GATAD1: variants seen among roughly 807,000 people sequenced by gnomAD.
The protein encoded by GATAD1 is GATA zinc finger domain containing 1.
In GATAD1, 12 loss-of-function variants were observed where a neutral mutation model predicts 26.5. The observed-to-expected ratio is 0.45, with a 90% CI of 0.29 to 0.73. The LOEUF (loss-of-function observed/expected upper bound fraction) is 0.73, where lower values mean the gene tolerates loss of function less well. Among genes scored for constraint, GATAD1 ranks in the 30% least tolerant of loss-of-function variants. The probability of loss-of-function intolerance (pLI) is 0.10; values close to 1 mark genes in which losing one functional copy is unlikely to be tolerated. For missense variants in GATAD1, 266 were observed against 342.1 expected, an observed-to-expected ratio of 0.78 and a Z score of 1.75; for synonymous variants, 129 against 133.1, an observed-to-expected ratio of 0.97 and a Z score of 0.21.
chr7:92,487,743 A>G, the GATAD1 span, among the ~76,000 whole-genome samples: 397 of 152,318 alleles, frequency 2.6e-3, 1 homozygote, highest in Non-Finnish European at 4.9e-3. Context: ...AAAGGGGATG[A>G]AGAGACAAGT....
the GATAD1 span, among the ~76,000 whole-genome samples, chr7:92,488,630 G>T: frequency 6.6e-6 from 1 of 151,816 alleles, no homozygotes; most frequent in Non-Finnish European, 1.5e-5. Context: ...AAATTATTTT[G>T]AAGGCAAAAC....
the GATAD1 span, chr7:92,489,298 A>G: frequency 1.7e-4 from 277 of 1,613,542 alleles, no homozygotes; most frequent in Non-Finnish European, 2.3e-4. Context: ...CTTACAGCTC[A>G]GCAAAATTCT....
In GATAD1 at chr7:92,459,675, A is replaced by G. The variant is rs777454244; in HGVS notation, c.*3113A>G. Reference sequence around the variant, plus strand: ...AGATTCCCATGCCTTTTTGGAATCAATCTCTATCCTATTGTCATCACATTT... The same window carrying G: ...AGATTCCCATGCCTTTTTGGAATCAGTCTCTATCCTATTGTCATCACATTT... On this transcript the variant is annotated 3_prime_UTR_variant, in exon 5 of 5. Transcript: ENST00000287957. Among the ~76,000 whole-genome samples the G allele has an allele frequency of 6.6e-5, 10 of 152,244 alleles. No individual in the cohort carries two copies. Among genetic ancestry groups the G allele is most frequent in the Non-Finnish European group, 1.3e-4 (9 of 68,036 alleles).
downstream of GATAD1, chr7:92,463,125 C>T (rs537679463): frequency 1.3e-5 from 2 of 152,198 alleles, no homozygotes; most frequent in South Asian, 2.1e-4. Flanking sequence ...TGGAAATAAG[C>T]CAAACTTAAA....
At chr7:92,475,066 T>C in the GATAD1 span, 1 of 152,126 alleles carries the variant, frequency 6.6e-6, no homozygotes, top group Non-Finnish European at 1.5e-5. Context: ...TTTTACATAA[T>C]TGTGAGTTGT....
At chr7:92,479,320 G>C in the GATAD1 span, among the ~76,000 whole-genome samples, 1 of 152,098 alleles carries the variant, frequency 6.6e-6, no homozygotes, top group Non-Finnish European at 1.5e-5. Flanking sequence ...ATGGGGTGGG[G>C]CCATTTTATA....
chr7:92,487,297 T>C, the GATAD1 span: 1 of 532,648 alleles, frequency 1.9e-6, no homozygotes, highest in East Asian at 3.0e-5. Flanking sequence ...ATCTCAATCC[T>C]GATCATTACA....
At chr7:92,455,994 G>A (rs1400005814) in intron 4 of GATAD1, among the ~76,000 whole-genome samples, 4 of 152,074 alleles carry the variant, frequency 2.6e-5, no homozygotes, top group Admixed American at 1.3e-4. Context: ...GCCATTTACC[G>A]GCCATGTGAC....
chr7:92,455,522 T>C (rs1789632155), intron 4 of GATAD1, among the ~76,000 whole-genome samples: 1 of 152,216 alleles, frequency 6.6e-6, no homozygotes, highest in Non-Finnish European at 1.5e-5. Context: ...TTTTGTTAAT[T>C]TCAAAGCTGC....
At chr7:92,467,783 T>G in the GATAD1 span, among the ~76,000 whole-genome samples, 2 of 152,226 alleles carry the variant, frequency 1.3e-5, no homozygotes, top group African/African-American at 2.4e-5. Flanking sequence ...TGGGGATTGA[T>G]TTGGGCTGTA....
the GATAD1 span, among the ~76,000 whole-genome samples, chr7:92,467,977 T>C: frequency 1.3e-5 from 2 of 152,220 alleles, no homozygotes; most frequent in Non-Finnish European, 2.9e-5. Context: ...GTTGTGTTAC[T>C]TGGGGGTCCT....
the GATAD1 span, among the ~76,000 whole-genome samples, chr7:92,488,729 A>AT: frequency 2.9e-3 from 407 of 142,526 alleles, 2 homozygotes; most frequent in East Asian, 6.7e-3. Context: ...AAGTTACTAA[A>AT]TTTTTTTTTT....
the GATAD1 span, among the ~76,000 whole-genome samples, chr7:92,480,757 C>T: frequency 6.6e-6 from 1 of 152,130 alleles, no homozygotes; most frequent in Admixed American, 6.5e-5. Flanking sequence ...CTTTAGCTAC[C>T]TTATCAGCAT....
rs1427483374 is a variant in GATAD1, at chr7:92,457,687, G to A, written c.*1125G>A. On this transcript the variant is annotated 3_prime_UTR_variant, in exon 5 of 5. Coordinates refer to ENST00000287957, the MANE Select transcript of GATAD1 (RefSeq NM_021167.5). Reference sequence around the variant, plus strand: ...AATATTAATTAAGGTATAGATGACTGACCAAGGGCTTAATCAAATAAAATG... The same window carrying A: ...AATATTAATTAAGGTATAGATGACTAACCAAGGGCTTAATCAAATAAAATG... 6.6e-6 allele frequency: 1 copy of A among 152,114 alleles called. No individual in the cohort carries two copies. The highest frequency in any genetic ancestry group is 2.4e-5 in the African/African-American group (1 of 41,414). 9.4% of individuals were successfully genotyped at this position (152,114 alleles called of 1,614,324 possible).
chr7:92,463,895 G>A (rs1420656584), downstream of GATAD1, among the ~76,000 whole-genome samples: 1 of 151,868 alleles, frequency 6.6e-6, no homozygotes, highest in Non-Finnish European at 1.5e-5. Context: ...TTGAACCCAG[G>A]AGGCAGAGGT....
chr7:92,482,789 C>T, the GATAD1 span, among the ~76,000 whole-genome samples: 5 of 151,950 alleles, frequency 3.3e-5, no homozygotes, highest in Non-Finnish European at 5.9e-5. Context: ...GTGAGGATAA[C>T]TGAAAAAGAG....
At chr7:92,463,657 C>T (rs1343044986), downstream of GATAD1, among the ~76,000 whole-genome samples, 5 of 119,720 alleles carry the variant, frequency 4.2e-5, no homozygotes, top group African/African-American at 6.4e-5. Flanking sequence ...AGCCAGATTC[C>T]GTCTCAAAAA....
chr7:92,491,727 A>G, the GATAD1 span: 1 of 490,950 alleles, frequency 2.0e-6, no homozygotes, highest in Non-Finnish European at 3.7e-6. Flanking sequence ...ACCATCCCCC[A>G]AGAAAGTCTG....
downstream of GATAD1, among the ~76,000 whole-genome samples, chr7:92,460,227 A>G (rs746662269): frequency 4.5e-4 from 69 of 152,216 alleles, no homozygotes; most frequent in Non-Finnish European, 2.1e-4. Flanking sequence ...TCTACATATA[A>G]ACATTGCACA....
Sources: gnomAD v4.1 joint callset for allele counts (sites outside exome capture counted in the v4.1 genomes callset) on GRCh38, gnomAD v4.1.1 for gene constraint, MANE v1.5 for transcripts, NCBI Gene and HGNC (gene_info 2026-07-23, HGNC 2026-07-21) for gene names.